SAV1: variants seen among roughly 807,000 people sequenced by gnomAD.
SAV1 encodes protein salvador homolog 1.
Under a neutral mutation model 47.3 loss-of-function variants are expected in SAV1, and 23 were observed. The observed-to-expected ratio is 0.49, with a 90% confidence interval of 0.35 to 0.69. The LOEUF is 0.69. SAV1 is among the 30% of genes least tolerant of loss of function. The pLI is 0.01. For synonymous variants in SAV1, 155 were observed against 159.2 expected (o/e 0.97, Z 0.20); for missense variants, 448 against 457.4 (o/e 0.98, Z 0.19).
chr14:50,662,677 A>T (rs2039870106), intron 2 of SAV1: 2 of 152,238 alleles, frequency 1.3e-5, no homozygotes, highest in Admixed American at 6.5e-5. Context: ...TTTTCAAAAC[A>T]AGAGTTTAAC....
rs1056048895 is a variant in SAV1, at chr14:50,667,977, C to G, written c.-10G>C. On this transcript the variant is annotated 5_prime_UTR_variant, in exon 1 of 5. Coordinates refer to ENST00000324679, the MANE Select transcript of SAV1 (RefSeq NM_021818.4). The stretch of plus-strand genomic sequence containing the variant: ...TCTTTCGGGACAGCATCCTTCTCGA[C>G]GAGGCCCGAGGCCGCGCTGAACTGC... 6 of 1,605,976 alleles carry G rather than the reference C, an allele frequency of 3.7e-6. 1 individual carries two copies. The Admixed American group carries it at 6.7e-5, about 18-fold the overall frequency.
rs1323132155 is a variant in SAV1 at position 50,635,270 on chromosome 14, T to G, written c.1065A>C (p.Glu355Asp). 6.2e-7 allele frequency: 1 copy of G among 1,614,112 alleles called. No homozygotes were observed. The highest frequency in any genetic ancestry group is 8.5e-7 in the Non-Finnish European group (1 of 1,179,926). ...CTGTAAGAAGGGCTTGTCTGTATGC[T>G]TCATACATTTTAACAATCTGCTCCA... ...KELEQIVKMY[E>D]AYRQALLTEL... The change falls in exon 5 of 5, where the codon GAA becomes GAC. Residue 355 changes from glutamate to aspartate, a missense_variant. Physicochemically the swap from Glu to Asp is conservative, Grantham distance 45. Coordinates refer to ENST00000324679, the MANE Select transcript of SAV1 (RefSeq NM_021818.4).
At chr14:50,664,854 T>G (rs2039887704) in intron 2 of SAV1, 1 of 174,520 alleles carries the variant, frequency 5.7e-6, no homozygotes, top group Non-Finnish European at 1.2e-5. Context: ...CCCATTATTC[T>G]ACCAAACCTA....
chr14:50,648,636 G>C (rs1346581956), intron 2 of SAV1, among the ~76,000 whole-genome samples: 1 of 152,028 alleles, frequency 6.6e-6, no homozygotes, highest in South Asian at 2.1e-4. Flanking sequence ...AAATTAGCTG[G>C]GCGTGGTGGC....
intron 2 of SAV1, among the ~76,000 whole-genome samples, chr14:50,653,039 A>AT (rs1468361195): frequency 6.6e-6 from 1 of 152,090 alleles, no homozygotes; most frequent in Non-Finnish European, 1.5e-5. Flanking sequence ...AAAAAAAGAA[A>AT]TTGAAAAAAA....
intron 2 of SAV1, among the ~76,000 whole-genome samples, chr14:50,646,416 T>C (rs993439214): frequency 6.6e-6 from 1 of 152,020 alleles, no homozygotes; most frequent in African/African-American, 2.4e-5. Context: ...CCGAGCGCAG[T>C]GGCTCACGCC....
At chr14:50,659,710 G>A (rs1367103952) in intron 2 of SAV1, among the ~76,000 whole-genome samples, 4 of 152,156 alleles carry the variant, frequency 2.6e-5, no homozygotes, top group Admixed American at 2.6e-4. Context: ...GCCAGGTGTG[G>A]TGGTGCATGC....
intron 1 of SAV1, among the ~76,000 whole-genome samples, chr14:50,666,289 T>C (rs1490274083): frequency 6.6e-6 from 1 of 152,188 alleles, no homozygotes; most frequent in African/African-American, 2.4e-5. Flanking sequence ...AGCCTGAAAC[T>C]ATGTAATTAT....
Position 50,644,607 on chromosome 14 carries a change from A to G in SAV1, c.806+137T>C, listed in dbSNP as rs113828923. 2.3e-3 allele frequency: 1,793 copies of G among 787,670 alleles called. 27 individuals carry two copies. In the African/African-American group the frequency reaches 0.027, roughly 12 times the overall value. The allele number at this position is 787,670 out of a possible 1,614,324, so 48.8% of individuals were successfully genotyped here. A position where few individuals can be genotyped will look rare whatever the true frequency, so the allele number is the denominator to read the frequency against. On this transcript the variant is annotated intron_variant, in intron 3 of 4. Transcript: ENST00000324679. ...TTTATTACTAAATGTATGTCCAGAG[A>G]AAAATGTAAATTTTGAAATATAAGG... is the stretch of plus-strand genomic sequence containing the variant.
chr14:50,666,075 A>T (rs1011970311), intron 1 of SAV1, among the ~76,000 whole-genome samples: 12 of 152,330 alleles, frequency 7.9e-5, no homozygotes, highest in African/African-American at 2.6e-4. Context: ...CAATTTCAAA[A>T]ATAGAACTTA....
chr14:50,663,501 G>C (rs2039876821), intron 2 of SAV1, among the ~76,000 whole-genome samples: 1 of 152,108 alleles, frequency 6.6e-6, no homozygotes, highest in Non-Finnish European at 1.5e-5. Context: ...TTTTACCCAT[G>C]CCTCTTACTG....
In SAV1 at chr14:50,660,218, A is replaced by G. The variant is rs549502540; in HGVS notation, c.535+4961T>C. ...TTCCCAGCAACTGATTCAGCACATGAAGACAGCATTGATAACCCTATGATC... is the reference window on the plus strand; with the variant it reads ...TTCCCAGCAACTGATTCAGCACATGGAGACAGCATTGATAACCCTATGATC... On this transcript the variant is annotated intron_variant, in intron 2 of 4. Coordinates refer to ENST00000324679, the MANE Select transcript of SAV1 (RefSeq NM_021818.4). Among the ~76,000 whole-genome samples, 9 of 152,304 alleles carry G rather than the reference A, an allele frequency of 5.9e-5. No individual in the cohort carries two copies. The South Asian group carries it at 1.9e-3, about 32-fold the overall frequency.
intron 2 of SAV1, among the ~76,000 whole-genome samples, chr14:50,654,735 T>G (rs1260040202): frequency 6.6e-6 from 1 of 152,206 alleles, no homozygotes; most frequent in Non-Finnish European, 1.5e-5. Flanking sequence ...CCAATGATCA[T>G]TAATGGCTGC....
At chr14:50,644,168 C>G (rs1265186307) in intron 3 of SAV1, among the ~76,000 whole-genome samples, 1 of 152,202 alleles carries the variant, frequency 6.6e-6, no homozygotes, top group Non-Finnish European at 1.5e-5. Flanking sequence ...GGCTATCAGG[C>G]AGCACAGGGC....
chr14:50,642,512 G>C (rs923763740), intron 3 of SAV1, among the ~76,000 whole-genome samples: 1 of 146,978 alleles, frequency 6.8e-6, no homozygotes, highest in African/African-American at 2.5e-5. Flanking sequence ...AAAAAGAAAA[G>C]AAAAACTACC....
In SAV1 at chr14:50,635,121, A is replaced by G; in HGVS notation, c.*62T>C. 1.6e-6 allele frequency: 2 copies of G among 1,285,138 alleles called. No individual in the cohort carries two copies. Among genetic ancestry groups the G allele is most frequent in the Non-Finnish European group, 1.1e-6 (1 of 895,350 alleles). 79.6% of individuals were successfully genotyped at this position (1,285,138 alleles called of 1,614,324 possible). On this transcript the variant is annotated 3_prime_UTR_variant, in exon 5 of 5. Transcript: ENST00000324679. ...TTTATTAACCAGAGTACTTGTTTGC[A>G]ATTTTTTATCTGTGAAAATATTTTA...
chr14:50,664,201 G>C (rs940265788), intron 2 of SAV1: 6 of 152,070 alleles, frequency 3.9e-5, no homozygotes, highest in Admixed American at 2.6e-4. Context: ...AGACAAATAA[G>C]GTACCAGAAA....
chr14:50,640,909 T>TG lies in SAV1; in HGVS notation c.807-17dup, dbSNP rs2039676550. The TG allele has an allele frequency of 6.3e-7, 1 of 1,584,130 alleles. No homozygotes were observed. On this transcript the variant is annotated splice_polypyrimidine_tract_variant and intron_variant, in intron 3 of 4. Transcript: ENST00000324679. ...CCGAGGTACACTAAGAAGAAAGGAG[T>TG]GACATTCTTTAGGATAAAGGTCTTA... is the stretch of plus-strand genomic sequence containing the variant.
chr14:50,649,004 C>A (rs978152556), intron 2 of SAV1, among the ~76,000 whole-genome samples: 2 of 152,068 alleles, frequency 1.3e-5, no homozygotes, highest in Non-Finnish European at 2.9e-5. Flanking sequence ...ATCAGACCTC[C>A]ATTTCTTCTC....
Sources: gnomAD v4.1 joint callset for allele counts (sites outside exome capture counted in the v4.1 genomes callset) on GRCh38, gnomAD v4.1.1 for gene constraint, MANE v1.5 for transcripts, NCBI Gene and HGNC (gene_info 2026-07-23, HGNC 2026-07-21) for gene names.